The following PARD3 variants were observed in gnomAD, a reference collection of about 807,000 sequenced individuals.
PARD3 encodes par-3 family cell polarity regulator, also known as partitioning defective 3 homolog.
A neutral mutation model predicts 155.4 loss-of-function variants in PARD3; 75 were observed. The ratio of observed to expected loss-of-function variants is 0.48; its 90% CI spans 0.40 to 0.58. The LOEUF is 0.58. PARD3 is among the 20% of genes least tolerant of loss of function. PARD3 has a pLI of 0.00. For missense variants in PARD3, 1,642 were observed against 1,721.7 expected (o/e 0.95, Z 0.82); for synonymous variants, 576 against 610.5 (o/e 0.94, Z 0.83).
intron 22 of PARD3, among the ~76,000 whole-genome samples, chr10:34,176,274 T>C (rs1950028537): frequency 1.3e-5 from 2 of 152,278 alleles, no homozygotes; most frequent in South Asian, 2.1e-4. Context: ...TACAATAAAA[T>C]GGCAGTCACT....
Position 34,765,328 on chromosome 10 carries a change from A to C in PARD3, c.120+49548T>G, listed in dbSNP as rs557072389. Among the ~76,000 whole-genome samples, 34 of 152,334 alleles carry C rather than the reference A, an allele frequency of 2.2e-4. 1 individual carries two copies. The highest frequency in any genetic ancestry group is 7.7e-4 in the African/African-American group (32 of 41,566). On this transcript the variant is annotated intron_variant, in intron 1 of 24. Coordinates refer to ENST00000374788, the MANE Select transcript of PARD3 (RefSeq NM_001184785.2). ...GTGCAACCCCCAGCTCAGGAGAAAG[A>C]AAGCCACATTACATAAACCAGGCAT... is the stretch of plus-strand genomic sequence containing the variant.
intron 1 of PARD3, among the ~76,000 whole-genome samples, chr10:34,708,267 G>GAA (rs36035625): frequency 6.1e-4 from 84 of 138,018 alleles, no homozygotes; most frequent in Middle Eastern, 3.7e-3. Flanking sequence ...ATCTTTAAAG[G>GAA]AAAAAAAAAA....
rs1046069847 is a variant in PARD3, at chr10:34,376,140, C to T, written c.1540-1138G>A. Among the ~76,000 whole-genome samples, 10 of 152,106 alleles carry T rather than the reference C, an allele frequency of 6.6e-5. No individual in the cohort carries two copies. In the South Asian group the frequency reaches 1.7e-3, roughly 25 times the overall value. ...TATCTAGACACTCAGAGAAAATGCA[C>T]GTAAGTATCAATATTGTATAGCTAC... On this transcript the variant is annotated intron_variant, in intron 10 of 24. Coordinates refer to ENST00000374788, the MANE Select transcript of PARD3 (RefSeq NM_001184785.2).
At chr10:34,710,059 T>C (rs921311912) in intron 1 of PARD3, among the ~76,000 whole-genome samples, 1 of 152,136 alleles carries the variant, frequency 6.6e-6, no homozygotes, top group Non-Finnish European at 1.5e-5. Flanking sequence ...AAATGAAATA[T>C]ACCCATTGAT....
At chr10:34,809,167 G>C (rs1334364011) in intron 1 of PARD3, among the ~76,000 whole-genome samples, 3 of 152,162 alleles carry the variant, frequency 2.0e-5, no homozygotes, top group Non-Finnish European at 4.4e-5. Flanking sequence ...AAACCTTAAA[G>C]TCCTTTAAAT....
intron 2 of PARD3, among the ~76,000 whole-genome samples, chr10:34,536,611 C>G (rs962338278): frequency 6.6e-6 from 1 of 152,116 alleles, no homozygotes; most frequent in Non-Finnish European, 1.5e-5. Context: ...TCCCAAAAAC[C>G]ATCACGTTTT....
intron 21 of PARD3, among the ~76,000 whole-genome samples, chr10:34,279,926 C>T (rs998605617): frequency 6.6e-6 from 1 of 152,170 alleles, no homozygotes; most frequent in Non-Finnish European, 1.5e-5. Context: ...AATTAATTAA[C>T]TTTTACATAT....
chr10:34,193,841 T>C (rs1257543217), intron 22 of PARD3, among the ~76,000 whole-genome samples: 1 of 152,174 alleles, frequency 6.6e-6, no homozygotes, highest in Non-Finnish European at 1.5e-5. Context: ...TTTTCAGAGA[T>C]GGAGGCTGTT....
At chr10:34,747,894 G>T (rs546251515) in intron 1 of PARD3, among the ~76,000 whole-genome samples, 2 of 152,316 alleles carry the variant, frequency 1.3e-5, no homozygotes, top group African/African-American at 4.8e-5. Flanking sequence ...ACAGCGGCTG[G>T]AAAAGTAAAA....
At chr10:34,151,390 G>A (rs1948775125) in intron 22 of PARD3, among the ~76,000 whole-genome samples, 1 of 152,056 alleles carries the variant, frequency 6.6e-6, no homozygotes, top group Non-Finnish European at 1.5e-5. Context: ...GGAAAATCAA[G>A]ATGTTTGGCA....
chr10:34,264,976 C>T (rs1229003376), intron 22 of PARD3, among the ~76,000 whole-genome samples: 1 of 152,152 alleles, frequency 6.6e-6, no homozygotes. Flanking sequence ...GTCTCAGACG[C>T]TGGGCTTCAA....
intron 22 of PARD3, among the ~76,000 whole-genome samples, chr10:34,132,043 A>G (rs1035633612): frequency 3.3e-5 from 5 of 152,212 alleles, no homozygotes; most frequent in Non-Finnish European, 7.3e-5. Context: ...CTGAGTTGTA[A>G]TAATCAAGTG....
In PARD3 at chr10:34,561,527, A is replaced by AT. The variant is rs1475007259; in HGVS notation, c.223-44369dup. ...ACATTTATTTTTTTTTAATTTATTT[A>AT]TTTTTTTTTGAGATGGAGTTTCATT... On this transcript the variant is annotated intron_variant, in intron 2 of 24. Coordinates refer to ENST00000374788, the MANE Select transcript of PARD3 (RefSeq NM_001184785.2). Among the ~76,000 whole-genome samples, 1,020 of 150,530 alleles carry AT rather than the reference A, an allele frequency of 6.8e-3. 14 individuals are homozygous for AT. Among genetic ancestry groups the AT allele is most frequent in the African/African-American group, 0.023 (954 of 41,052 alleles).
chr10:34,451,640 T>C (rs2077063414), intron 4 of PARD3, among the ~76,000 whole-genome samples: 2 of 152,158 alleles, frequency 1.3e-5, no homozygotes, highest in Admixed American at 6.5e-5. Context: ...TTGGGACATA[T>C]GTTCAAACAA....
intron 1 of PARD3, among the ~76,000 whole-genome samples, chr10:34,757,206 G>A (rs964933608): frequency 6.6e-6 from 1 of 152,106 alleles, no homozygotes; most frequent in Non-Finnish European, 1.5e-5. Context: ...CTGCACAGGA[G>A]GTTCAAACAC....
intron 22 of PARD3, among the ~76,000 whole-genome samples, chr10:34,135,376 T>A (rs921271899): frequency 6.6e-6 from 1 of 152,188 alleles, no homozygotes; most frequent in Non-Finnish European, 1.5e-5. Context: ...TTGGTTTTTG[T>A]TGTTTTTTCC....
At chr10:34,217,585 A>C (rs891534329) in intron 22 of PARD3, among the ~76,000 whole-genome samples, 1 of 152,162 alleles carries the variant, frequency 6.6e-6, no homozygotes, top group Non-Finnish European at 1.5e-5. Flanking sequence ...AGCAGACTAC[A>C]GGGATAGACG....
chr10:34,383,595 C>G (rs1011398551), intron 8 of PARD3, among the ~76,000 whole-genome samples: 28 of 152,118 alleles, frequency 1.8e-4, no homozygotes, highest in Admixed American at 1.8e-3. Flanking sequence ...ACCTCAAGTT[C>G]TTAAGAGTTC....
intron 2 of PARD3, among the ~76,000 whole-genome samples, chr10:34,643,607 A>C (rs1224665344): frequency 6.6e-6 from 1 of 152,188 alleles, no homozygotes; most frequent in Admixed American, 6.5e-5. Flanking sequence ...AAACAGCATC[A>C]CTTCTCATGT....
Sources: allele counts gnomAD v4.1 joint callset (sites outside exome capture counted in the v4.1 genomes callset), GRCh38; gene constraint gnomAD v4.1.1; transcripts MANE v1.5; gene names NCBI Gene and HGNC (gene_info 2026-07-23, HGNC 2026-07-21).